Variants in SKIC3 observed in about 807,000 individuals in gnomAD.
The protein encoded by SKIC3 is superkiller complex protein 3.
chr5:95,490,504 A>ATTTTT, the SKIC3 span, among the ~76,000 whole-genome samples: 5 of 144,252 alleles, frequency 3.5e-5, 1 homozygote, highest in East Asian at 2.0e-4. Context: ...ATATATATAT[A>ATTTTT]TTTTTTTTTT....
the SKIC3 span, chr5:95,503,701 T>G: frequency 2.0e-6 from 3 of 1,494,406 alleles, no homozygotes; most frequent in Non-Finnish European, 2.8e-6. Context: ...AGTCAGATTT[T>G]AATAAACATT....
chr5:95,506,201 A>G, the SKIC3 span, among the ~76,000 whole-genome samples: 5 of 152,206 alleles, frequency 3.3e-5, no homozygotes, highest in African/African-American at 4.8e-5. Context: ...TCAATCTTCC[A>G]ATTTTGGATA....
the SKIC3 span, among the ~76,000 whole-genome samples, chr5:95,470,943 T>G: frequency 1.3e-5 from 2 of 152,198 alleles, no homozygotes; most frequent in Non-Finnish European, 2.9e-5. Flanking sequence ...GAAGATTTCA[T>G]AACCACAAGT....
chr5:95,532,585 T>C, the SKIC3 span, among the ~76,000 whole-genome samples: 15 of 152,286 alleles, frequency 9.8e-5, no homozygotes, highest in African/African-American at 3.4e-4. Flanking sequence ...AATAAATACC[T>C]TGGTGGAGGA....
At chr5:95,538,753 C>G in the SKIC3 span, among the ~76,000 whole-genome samples, 1 of 151,898 alleles carries the variant, frequency 6.6e-6, no homozygotes, top group Non-Finnish European at 1.5e-5. Context: ...GACTTTTTTT[C>G]TAGGTGAAAA....
the SKIC3 span, among the ~76,000 whole-genome samples, chr5:95,478,137 C>A: frequency 6.6e-6 from 1 of 152,134 alleles, no homozygotes; most frequent in Non-Finnish European, 1.5e-5. Context: ...CTATGTCCAT[C>A]ACAAACCCAA....
At chr5:95,468,278 A>C in the SKIC3 span, among the ~76,000 whole-genome samples, 2 of 152,250 alleles carry the variant, frequency 1.3e-5, no homozygotes, top group South Asian at 4.1e-4. Context: ...AAATTATTCC[A>C]AGTTATCCTC....
At chr5:95,466,630 A>G in the SKIC3 span, among the ~76,000 whole-genome samples, 2 of 152,226 alleles carry the variant, frequency 1.3e-5, no homozygotes, top group Admixed American at 1.3e-4. Context: ...TAGTATAATC[A>G]TTGTGATGTT....
the SKIC3 span, among the ~76,000 whole-genome samples, chr5:95,474,332 T>C: frequency 6.6e-6 from 1 of 152,212 alleles, no homozygotes; most frequent in African/African-American, 2.4e-5. Context: ...ACTTATTTAG[T>C]TTAGTTTCGT....
At chr5:95,512,580 T>C in the SKIC3 span, 1 of 1,614,036 alleles carries the variant, frequency 6.2e-7, no homozygotes, top group Non-Finnish European at 8.5e-7. Flanking sequence ...CTTGCAATGT[T>C]GTGCAGACCC....
At chr5:95,516,911 C>T in the SKIC3 span, 2 of 1,584,650 alleles carry the variant, frequency 1.3e-6, no homozygotes, top group African/African-American at 2.7e-5. Context: ...TTATTTATAC[C>T]ATACATGTAA....
chr5:95,472,993 T>TTCTTTA, the SKIC3 span, among the ~76,000 whole-genome samples: 1 of 152,300 alleles, frequency 6.6e-6, no homozygotes, highest in Non-Finnish European at 1.5e-5. Context: ...GTACCACATT[T>TTCTTTA]TCTTTATCTA....
At chr5:95,528,193 A>T in the SKIC3 span, 1 of 1,612,516 alleles carries the variant, frequency 6.2e-7, no homozygotes, top group East Asian at 2.2e-5. Flanking sequence ...CAGCCATATC[A>T]CTTCTGTTTA....
At chr5:95,523,893 A>T in the SKIC3 span, 2 of 1,478,968 alleles carry the variant, frequency 1.4e-6, no homozygotes, top group Admixed American at 3.4e-5. Context: ...GAGTATCTTT[A>T]CAAATACAGA....
chr5:95,542,578 A>G, the SKIC3 span, among the ~76,000 whole-genome samples: 6 of 152,316 alleles, frequency 3.9e-5, 1 homozygote, highest in South Asian at 1.2e-3. Context: ...AGTCCATTAT[A>G]AAAGCAGCAA....
the SKIC3 span, chr5:95,547,043 G>GA: frequency 6.2e-7 from 1 of 1,606,000 alleles, no homozygotes; most frequent in Non-Finnish European, 8.5e-7. Context: ...CATTGTGGAA[G>GA]AAAAAAATAC....
the SKIC3 span, among the ~76,000 whole-genome samples, chr5:95,486,873 G>A: frequency 2.0e-5 from 3 of 152,270 alleles, no homozygotes; most frequent in South Asian, 6.2e-4. Context: ...CCCACACCAC[G>A]TGTGCTGCCC....
At chr5:95,547,127 A>C in the SKIC3 span, 1 of 1,613,250 alleles carries the variant, frequency 6.2e-7, no homozygotes, top group East Asian at 2.2e-5. Flanking sequence ...TTTTTAGAGC[A>C]GTCTTCACTT....
the SKIC3 span, chr5:95,482,736 AC>A: frequency 1.6e-6 from 2 of 1,230,188 alleles, no homozygotes; most frequent in Non-Finnish European, 1.1e-6. Flanking sequence ...GAAGGTTTAT[AC>A]CTTTTCTTAT....
Sources: gnomAD v4.1 joint callset for allele counts (sites outside exome capture counted in the v4.1 genomes callset) on GRCh38, gnomAD v4.1.1 for gene constraint, MANE v1.5 for transcripts, NCBI Gene and HGNC (gene_info 2026-07-23, HGNC 2026-07-21) for gene names.